TBC1D32: variants seen among roughly 807,000 people sequenced by gnomAD.
TBC1D32 encodes the protein TBC1 domain family member 32, also known as protein broad-minded.
TBC1D32 carries 151 observed loss-of-function variants against 170.3 expected under a neutral mutation model. That is an observed-to-expected ratio of 0.89 (90% CI 0.78 to 1.01). TBC1D32 has a LOEUF of 1.01. TBC1D32 is among the 50% of genes least tolerant of loss of function. The pLI is 0.00. For missense variants in TBC1D32, 1,464 were observed against 1,457.1 expected (o/e 1.00, Z -0.08); for synonymous variants, 498 against 488.0 (o/e 1.02, Z -0.27).
intron 15 of TBC1D32, among the ~76,000 whole-genome samples, chr6:121,267,290 C>A (rs938719592): frequency 6.6e-6 from 1 of 152,102 alleles, no homozygotes; most frequent in African/African-American, 2.4e-5. Flanking sequence ...GGGTGCAGCC[C>A]ATGGAGTGTG....
At chr6:121,316,641 G>A (rs939136707) in intron 3 of TBC1D32, among the ~76,000 whole-genome samples, 5 of 152,046 alleles carry the variant, frequency 3.3e-5, no homozygotes, top group African/African-American at 7.2e-5. Flanking sequence ...AATGCACAGC[G>A]ACTTTTAAGT....
chr6:121,209,793 G>A (rs188500231), intron 21 of TBC1D32, among the ~76,000 whole-genome samples: 1 of 152,138 alleles, frequency 6.6e-6, no homozygotes, highest in African/African-American at 2.4e-5. Context: ...AATAAGCAAA[G>A]GTGGAGGGCA....
rs201100733 is a variant in TBC1D32, at chr6:121,194,154, C to T, written c.2570+10921G>A. Among the ~76,000 whole-genome samples the T allele has an allele frequency of 7.9e-4, 120 of 152,198 alleles. 1 individual carries two copies. The highest frequency in any genetic ancestry group is 1.2e-3 in the Non-Finnish European group (84 of 68,016). ...TGGCTTATGGAGGTCAGGTAATTAACGGAGTTTTAGCTCACGTTGACTTAC... is the reference window on the plus strand; with the variant it reads ...TGGCTTATGGAGGTCAGGTAATTAATGGAGTTTTAGCTCACGTTGACTTAC... On this transcript the variant is annotated intron_variant, in intron 22 of 31. Coordinates refer to ENST00000398212, the MANE Select transcript of TBC1D32 (RefSeq NM_152730.6).
intron 21 of TBC1D32, among the ~76,000 whole-genome samples, chr6:121,206,996 TTAAA>T (rs1792360894): frequency 6.6e-6 from 1 of 152,172 alleles, no homozygotes; most frequent in Admixed American, 6.5e-5. Context: ...CTGAATACTA[TTAAA>T]TAAATAGTCT....
chr6:121,302,703 T>C (rs1324660879), intron 9 of TBC1D32, among the ~76,000 whole-genome samples: 1 of 152,114 alleles, frequency 6.6e-6, no homozygotes, highest in African/African-American at 2.4e-5. Flanking sequence ...ATGATATAAT[T>C]TGATAATCAA....
chr6:121,239,420 A>AT (rs1273009894), intron 19 of TBC1D32, among the ~76,000 whole-genome samples: 2 of 152,096 alleles, frequency 1.3e-5, no homozygotes, highest in Non-Finnish European at 2.9e-5. Context: ...CTGAGAGACA[A>AT]TTTCCCTGGA....
In TBC1D32 at chr6:121,206,216, G is replaced by GAA. The variant is rs74509676; in HGVS notation, c.2482-1055_2482-1054dup. On this transcript the variant is annotated intron_variant, in intron 21 of 31. Coordinates refer to ENST00000398212, the MANE Select transcript of TBC1D32 (RefSeq NM_152730.6). The stretch of plus-strand genomic sequence containing the variant: ...CAAAGCAAGACTCTGTCTCAGAAAA[G>GAA]AAAAAAAAAAAAAAAAGGAAGGCTT... Among the ~76,000 whole-genome samples the GAA allele has an allele frequency of 3.8e-3, 282 of 74,596 alleles. 1 individual carries two copies. Among genetic ancestry groups the GAA allele is most frequent in the African/African-American group, 0.011 (264 of 23,334 alleles). 48.9% of individuals were successfully genotyped at this position (74,596 alleles called of 152,430 possible).
chr6:121,159,196 T>G (rs944239045), intron 24 of TBC1D32, among the ~76,000 whole-genome samples: 3 of 152,216 alleles, frequency 2.0e-5, no homozygotes, highest in African/African-American at 7.2e-5. Context: ...ATTTTTCTAT[T>G]TAGTTCCCAT....
intron 1 of TBC1D32, among the ~76,000 whole-genome samples, chr6:121,333,802 C>T (rs561036136): frequency 1.6e-4 from 25 of 152,138 alleles, no homozygotes; most frequent in Non-Finnish European, 3.2e-4. Flanking sequence ...CGCGGTGGCT[C>T]ACGCCTGTGA....
intron 22 of TBC1D32, among the ~76,000 whole-genome samples, chr6:121,180,417 C>T (rs1788354494): frequency 6.6e-6 from 1 of 151,840 alleles, no homozygotes; most frequent in Admixed American, 6.6e-5. Context: ...ACCAACGGAA[C>T]AGAATGAAGA....
intron 17 of TBC1D32, among the ~76,000 whole-genome samples, chr6:121,243,824 C>A (rs1797285575): frequency 6.6e-6 from 1 of 151,316 alleles, no homozygotes; most frequent in Admixed American, 6.6e-5. Context: ...GACGCACTTC[C>A]AATATTTAAT....
chr6:121,247,060 G>C (rs1797704830), intron 17 of TBC1D32, among the ~76,000 whole-genome samples: 1 of 152,044 alleles, frequency 6.6e-6, no homozygotes. Flanking sequence ...AGAATCTTAA[G>C]AGCTCTGAGA....
chr6:121,240,357 ATTTTT>A (rs35946120), intron 19 of TBC1D32, among the ~76,000 whole-genome samples: 7 of 75,294 alleles, frequency 9.3e-5, no homozygotes, highest in Admixed American at 1.5e-4. Flanking sequence ...GTTTAGGACA[ATTTTT>A]TTTTTTTTTT....
At chr6:121,276,248 T>C (rs917762674) in intron 15 of TBC1D32, among the ~76,000 whole-genome samples, 2 of 151,802 alleles carry the variant, frequency 1.3e-5, no homozygotes, top group African/African-American at 4.8e-5. Flanking sequence ...ACAGAAACGA[T>C]ATAAGGGACA....
intron 28 of TBC1D32, 70 bp from the exon 29 acceptor site, chr6:121,112,729 T>C (rs982939087): frequency 1.2e-5 from 15 of 1,240,292 alleles, no homozygotes; most frequent in Non-Finnish European, 1.5e-5. Flanking sequence ...GTAAATAAAA[T>C]AAAATGAATA....
intron 22 of TBC1D32, among the ~76,000 whole-genome samples, chr6:121,187,545 T>C (rs1428023856): frequency 6.6e-6 from 1 of 152,018 alleles, no homozygotes; most frequent in Non-Finnish European, 1.5e-5. Flanking sequence ...GCTCCTGAAA[T>C]TATATTGTGG....
At chr6:121,137,457 A>G (rs1336864533) in intron 24 of TBC1D32, among the ~76,000 whole-genome samples, 2 of 146,872 alleles carry the variant, frequency 1.4e-5, no homozygotes, top group Non-Finnish European at 1.5e-5. Context: ...TTTATAGACA[A>G]CTATGAAAAA....
intron 27 of TBC1D32, 148 bp from the exon 28 acceptor site, chr6:121,113,325 A>T: frequency 2.0e-6 from 1 of 509,572 alleles, no homozygotes; most frequent in East Asian, 3.2e-5. Context: ...ATATATTTGG[A>T]TTAACAGTAT....
intron 30 of TBC1D32, among the ~76,000 whole-genome samples, chr6:121,098,936 T>C (rs190854231): frequency 6.6e-6 from 1 of 151,978 alleles, no homozygotes; most frequent in African/African-American, 2.4e-5. Context: ...TATAAAGACA[T>C]ATGCCTTTAT....
Sources: allele counts gnomAD v4.1 joint callset (sites outside exome capture counted in the v4.1 genomes callset), GRCh38; gene constraint gnomAD v4.1.1; transcripts MANE v1.5; gene names NCBI Gene and HGNC (gene_info 2026-07-23, HGNC 2026-07-21).